The following ICE2 variants were observed in gnomAD, a reference collection of about 807,000 sequenced individuals.
The protein encoded by ICE2 is interactor of little elongation complex ELL subunit 2.
ICE2 carries 87 observed loss-of-function variants against 105.4 expected under a neutral mutation model. The ratio of observed to expected loss-of-function variants is 0.83; its 90% confidence interval spans 0.69 to 0.99. The LOEUF (loss-of-function observed/expected upper bound fraction) is 0.99. ICE2 is among the 50% of genes least tolerant of loss of function. The pLI is 0.00. For missense variants in ICE2, 1,323 were observed against 1,146.7 expected, an observed-to-expected ratio of 1.15 and a Z score of -2.22; for synonymous variants, 399 against 392.0, an observed-to-expected ratio of 1.02 and a Z score of -0.21.
intron 13 of ICE2, among the ~76,000 whole-genome samples, chr15:60,432,318 G>A (rs1306192293): frequency 1.3e-5 from 2 of 150,728 alleles, no homozygotes; most frequent in African/African-American, 4.9e-5. Flanking sequence ...CTCTCAAATA[G>A]CTGGGACTAC....
chr15:60,432,909 A>C (rs1484094190), intron 13 of ICE2, among the ~76,000 whole-genome samples: 1 of 152,004 alleles, frequency 6.6e-6, no homozygotes, highest in Non-Finnish European at 1.5e-5. Flanking sequence ...CAAAACCAAA[A>C]CCAAAACCAA....
At chr15:60,441,825 GAAC>G (rs1478407519) in intron 12 of ICE2, 4 of 151,950 alleles carry the variant, frequency 2.6e-5, no homozygotes, top group Non-Finnish European at 5.9e-5. Context: ...TACCCCAGCA[GAAC>G]AACAAAAACA....
chr15:60,433,157 G>A (rs1194550159), intron 13 of ICE2, among the ~76,000 whole-genome samples: 1 of 150,948 alleles, frequency 6.6e-6, no homozygotes, highest in Non-Finnish European at 1.5e-5. Context: ...GAGCGATCTT[G>A]GCTCACTGCA....
At chr15:60,428,869 A>C (rs558627835) in intron 14 of ICE2, among the ~76,000 whole-genome samples, 182 bp from the exon 15 acceptor site, 16 of 152,340 alleles carry the variant, frequency 1.1e-4, no homozygotes, top group Admixed American at 9.8e-4. Flanking sequence ...TTTTTAGGCA[A>C]CTAATTTTAA....
In ICE2 at chr15:60,423,607, T is replaced by A; in HGVS notation, c.*27A>T. The A allele has an allele frequency of 3.2e-6, 5 of 1,581,436 alleles. No homozygotes were observed. Among genetic ancestry groups the A allele is most frequent in the Non-Finnish European group, 4.3e-6 (5 of 1,167,520 alleles). The stretch of plus-strand genomic sequence containing the variant: ...TTAAACACTGTTATAACTGTTTTTT[T>A]AAATTTAGTTTTCCATGGTACAGTC... On this transcript the variant is annotated 3_prime_UTR_variant, in exon 16 of 16. Coordinates refer to ENST00000261520, the MANE Select transcript of ICE2 (RefSeq NM_024611.6).
intron 9 of ICE2, chr15:60,452,331 T>C: frequency 2.3e-6 from 2 of 851,974 alleles, no homozygotes; most frequent in Non-Finnish European, 2.8e-6. Flanking sequence ...TTTTAAAATT[T>C]TGTTTGCTCC....
chr15:60,453,837 T>G, intron 8 of ICE2, 53 bp from the exon 9 acceptor site: 3 of 1,411,980 alleles, frequency 2.1e-6, no homozygotes, highest in South Asian at 1.3e-5. Context: ...TGTGATATAT[T>G]TTTTAAAAAC....
At chr15:60,425,609 A>G (rs1487157923) in intron 15 of ICE2, among the ~76,000 whole-genome samples, 1 of 152,214 alleles carries the variant, frequency 6.6e-6, no homozygotes, top group Non-Finnish European at 1.5e-5. Flanking sequence ...CATATCTCTC[A>G]GGGTTAGTAC....
At chr15:60,463,512 G>A (rs140596492) in intron 5 of ICE2, among the ~76,000 whole-genome samples, 3 of 152,296 alleles carry the variant, frequency 2.0e-5, no homozygotes, top group Non-Finnish European at 2.9e-5. Flanking sequence ...GGTGGCTCAC[G>A]CCTATAAACC....
intron 11 of ICE2, chr15:60,445,762 C>T (rs72746677): frequency 0.027 from 26,491 of 984,966 alleles, 414 homozygotes; most frequent in Non-Finnish European, 0.03. Context: ...TAAGAGATAC[C>T]GGCCATCAAC....
Position 60,466,584 on chromosome 15 carries a change from GT to G in ICE2, c.528+9del, listed in dbSNP as rs541448249. On this transcript the variant is annotated intron_variant, in intron 5 of 15. Transcript: ENST00000261520. Reference sequence around the variant, plus strand: ...TTCGCAATTTACACAAATGTGAGTTGTTTTTTTACCTCTGTGAAGAGACGGG... The same window carrying G: ...TTCGCAATTTACACAAATGTGAGTTGTTTTTTACCTCTGTGAAGAGACGGG... 6.3e-3 allele frequency: 10,196 copies of G among 1,608,512 alleles called. 35 individuals are homozygous for G. Among genetic ancestry groups the G allele is most frequent in the Non-Finnish European group, 7.8e-3 (9,149 of 1,179,078 alleles).
At chr15:60,476,461 T>C (rs902088084) in intron 2 of ICE2, among the ~76,000 whole-genome samples, 12 of 152,178 alleles carry the variant, frequency 7.9e-5, no homozygotes, top group East Asian at 3.8e-4. Flanking sequence ...AAGTTAAAGA[T>C]AGAAAAGACT....
chr15:60,431,183 CTT>C (rs552470506), intron 14 of ICE2, among the ~76,000 whole-genome samples: 2 of 145,420 alleles, frequency 1.4e-5, no homozygotes, highest in African/African-American at 2.5e-5. Flanking sequence ...CTATGTTCTT[CTT>C]TTTTTTTTTT....
At position 60,444,211 on chromosome 15, in the gene ICE2, T is replaced by C. The variant is rs143557251; in HGVS notation, c.2296-1666A>G. On this transcript the variant is annotated intron_variant, in intron 11 of 15. Transcript: ENST00000261520. ...ATCACATTTCTGGATTAGAAATGGGTAAGAGTTAATTCCATATATTTAAAA... is the reference window on the plus strand; with the variant it reads ...ATCACATTTCTGGATTAGAAATGGGCAAGAGTTAATTCCATATATTTAAAA... 2.8e-4 allele frequency among the ~76,000 whole-genome samples: 42 copies of C among 152,250 alleles called. No homozygotes were observed. The East Asian group carries it at 6.4e-3, about 23-fold the overall frequency.
intron 5 of ICE2, among the ~76,000 whole-genome samples, chr15:60,457,407 G>A (rs1041503808): frequency 2.6e-5 from 4 of 152,244 alleles, no homozygotes; most frequent in Middle Eastern, 3.4e-3. Flanking sequence ...ATGCACAGCT[G>A]TTGGGGGTGG....
intron 3 of ICE2, among the ~76,000 whole-genome samples, chr15:60,469,265 G>C (rs2064516776): frequency 6.6e-6 from 1 of 152,144 alleles, no homozygotes; most frequent in Non-Finnish European, 1.5e-5. Flanking sequence ...CATGGACACA[G>C]GGAAGGGAAT....
At chr15:60,424,731 C>G (rs1217051939) in intron 15 of ICE2, among the ~76,000 whole-genome samples, 1 of 152,196 alleles carries the variant, frequency 6.6e-6, no homozygotes, top group Non-Finnish European at 1.5e-5. Flanking sequence ...GTCTGGAATT[C>G]CTGACCTCAA....
intron 13 of ICE2, 30 bp from the exon 14 acceptor site, chr15:60,432,014 T>C: frequency 2.3e-6 from 3 of 1,296,858 alleles, no homozygotes; most frequent in Non-Finnish European, 3.3e-6. Flanking sequence ...CATGTAAAAT[T>C]AAACTGCAAA....
chr15:60,449,833 A>G lies in ICE2; in HGVS notation c.1134T>C (p.Cys378=), dbSNP rs760202973. The change falls in exon 10 of 16, where the codon TGT becomes TGC. Residue 378 remains cysteine, a synonymous_variant. Transcript: ENST00000261520. Reference sequence around the variant, plus strand: ...CAATTTTTCGGCACTCGTTGACTTCACAGGACATCTTATGTAAATAAATTG... The same window carrying G: ...CAATTTTTCGGCACTCGTTGACTTCGCAGGACATCTTATGTAAATAAATTG... ...EEFISEMDMS[C]EVNECRKIES... 1.6e-5 allele frequency: 25 copies of G among 1,610,060 alleles called. No homozygotes were observed. The highest frequency in any genetic ancestry group is 2.0e-5 in the Non-Finnish European group (23 of 1,178,418).
Sources: allele counts gnomAD v4.1 joint callset (sites outside exome capture counted in the v4.1 genomes callset), GRCh38; gene constraint gnomAD v4.1.1; transcripts MANE v1.5; gene names NCBI Gene and HGNC (gene_info 2026-07-23, HGNC 2026-07-21).